FAAH2: variants seen among roughly 807,000 people sequenced by gnomAD.
FAAH2 encodes the protein fatty acid amide hydrolase 2, also known as fatty-acid amide hydrolase 2.
Under a neutral mutation model 36.9 loss-of-function variants are expected in FAAH2, and 60 were observed. The ratio of observed to expected loss-of-function variants is 1.63; its 90% confidence interval spans 1.32 to 2.02. The LOEUF is 2.02. FAAH2 is among the 30% of genes most tolerant of loss of function. The probability of loss-of-function intolerance (pLI) is 0.00; values close to 1 mark genes in which losing one functional copy is unlikely to be tolerated. For missense variants in FAAH2, 689 were observed against 397.5 expected (o/e 1.73, Z -6.23); for synonymous variants, 214 against 143.8 (o/e 1.49, Z -3.49).
chrX:57,270,018 A>C, the FAAH2 span, among the ~76,000 whole-genome samples: 2 of 111,947 alleles, frequency 1.8e-5, no homozygotes, highest in East Asian at 2.8e-4. Context: ...AAATAAACAC[A>C]ATCAGAAACT....
chrX:57,190,147 C>T, the FAAH2 span, among the ~76,000 whole-genome samples: 1 of 110,408 alleles, frequency 9.1e-6, no homozygotes, highest in Non-Finnish European at 1.9e-5. Flanking sequence ...AGCCACTTTG[C>T]TGTGCTGTGT....
the FAAH2 span, among the ~76,000 whole-genome samples, chrX:57,274,462 C>A: frequency 0.011 from 1,251 of 111,966 alleles, 20 homozygotes; most frequent in African/African-American, 0.038. Flanking sequence ...AAAGAGAAAA[C>A]TTCAGACCAA....
the FAAH2 span, among the ~76,000 whole-genome samples, chrX:57,145,977 G>A: frequency 6.3e-5 from 7 of 110,424 alleles, no homozygotes; most frequent in Non-Finnish European, 1.3e-4. Context: ...AGTATAGTTT[G>A]AAGTTGGGTA....
At chrX:57,292,807 G>A (rs916975512) in intron 2 of FAAH2, among the ~76,000 whole-genome samples, 1 of 111,492 alleles carries the variant, frequency 9.0e-6, no homozygotes, top group Non-Finnish European at 1.9e-5. Flanking sequence ...TGATGGCAAG[G>A]ACTAAATTTT....
intron 5 of FAAH2, among the ~76,000 whole-genome samples, chrX:57,368,626 T>G (rs1344419751): frequency 8.9e-6 from 1 of 111,843 alleles, no homozygotes; most frequent in Non-Finnish European, 1.9e-5. Flanking sequence ...TGACTACAGC[T>G]GAAGGAACTG....
intron 5 of FAAH2, among the ~76,000 whole-genome samples, chrX:57,355,631 T>A (rs1026482266): frequency 9.0e-6 from 1 of 111,384 alleles, no homozygotes; most frequent in African/African-American, 3.2e-5. Flanking sequence ...TGATTTATTT[T>A]TTTTTAATAA....
At chrX:57,449,769 C>G (rs1011973591) in intron 10 of FAAH2, among the ~76,000 whole-genome samples, 10 of 110,838 alleles carry the variant, frequency 9.0e-5, no homozygotes, top group African/African-American at 3.3e-4. Context: ...TAGGTTCAAG[C>G]GATTCTCCTA....
At chrX:57,132,902 ACTCAG>A in the FAAH2 span, among the ~76,000 whole-genome samples, 2 of 111,815 alleles carry the variant, frequency 1.8e-5, no homozygotes, top group African/African-American at 6.5e-5. Flanking sequence ...TGCCTTGTTC[ACTCAG>A]CTCCAGTCAT....
the FAAH2 span, among the ~76,000 whole-genome samples, chrX:57,147,021 G>C: frequency 9.0e-6 from 1 of 111,194 alleles, no homozygotes; most frequent in South Asian, 3.7e-4. Flanking sequence ...TTGGTCTGTA[G>C]TTTCCTTTCT....
At chrX:57,303,491 C>T (rs969314610) in intron 2 of FAAH2, among the ~76,000 whole-genome samples, 3 of 112,080 alleles carry the variant, frequency 2.7e-5, no homozygotes, top group Admixed American at 9.5e-5. Context: ...ATAGTGATAG[C>T]CACCATTTAC....
rs182801195 is a variant in FAAH2, at chrX:57,420,038, G to A, written c.997-11880G>A. On this transcript the variant is annotated intron_variant, in intron 7 of 10. Coordinates refer to ENST00000374900, the MANE Select transcript of FAAH2 (RefSeq NM_174912.4). ...AAGATCAGATAGTTGTAGATATGTG[G>A]CATTCTTTCTGAGGGCTCTGTTCTT... Among the ~76,000 whole-genome samples the A allele has an allele frequency of 4.9e-4, 55 of 111,465 alleles. No homozygotes were observed. The South Asian group carries it at 0.016, about 33-fold the overall frequency.
In FAAH2 at chrX:57,456,934, C is replaced by T. The variant is rs745741551; in HGVS notation, c.1423+8216C>T. 8.1e-5 allele frequency among the ~76,000 whole-genome samples: 9 copies of T among 111,667 alleles called. No homozygotes were observed. The East Asian group carries it at 1.4e-3, about 17-fold the overall frequency. ...TCGAAGAAGAGTCTTCTCCCTAATG[C>T]ATTCTATGAATCCAGCAGCATTCTG... On this transcript the variant is annotated intron_variant, in intron 10 of 10. Coordinates refer to ENST00000374900, the MANE Select transcript of FAAH2 (RefSeq NM_174912.4).
chrX:57,137,690 T>C, the FAAH2 span: 2 of 111,361 alleles, frequency 1.8e-5, no homozygotes, highest in Admixed American at 9.5e-5. Flanking sequence ...TTCCTGTCTC[T>C]GCTGGCTGGA....
chrX:57,335,317 C>T (rs184880329), intron 4 of FAAH2, among the ~76,000 whole-genome samples: 1 of 111,130 alleles, frequency 9.0e-6, no homozygotes, highest in Admixed American at 9.6e-5. Flanking sequence ...ATAAGGAGGA[C>T]CCGTATTATT....
intron 5 of FAAH2, among the ~76,000 whole-genome samples, chrX:57,365,034 T>A (rs1418938213): frequency 8.9e-6 from 1 of 111,993 alleles, no homozygotes; most frequent in Non-Finnish European, 1.9e-5. Flanking sequence ...TGGAGTATTC[T>A]GTAGATAGCT....
intron 3 of FAAH2, among the ~76,000 whole-genome samples, chrX:57,324,040 G>A (rs1346692809): frequency 8.9e-6 from 1 of 111,924 alleles, no homozygotes; most frequent in African/African-American, 3.3e-5. Context: ...AAGGGATCCA[G>A]TTTCAGCTTT....
chrX:57,341,946 G>A (rs2053698065), intron 5 of FAAH2, among the ~76,000 whole-genome samples: 1 of 111,406 alleles, frequency 9.0e-6, no homozygotes, highest in African/African-American at 3.3e-5. Flanking sequence ...ATTTATGGTG[G>A]TAAGAATGTC....
rs912426861 is a variant in FAAH2, at chrX:57,474,877, A to C, written c.1424-13880A>C. 5.4e-5 allele frequency among the ~76,000 whole-genome samples: 6 copies of C among 111,947 alleles called. No individual in the cohort carries two copies. The Admixed American group carries it at 5.7e-4, about 11-fold the overall frequency. On this transcript the variant is annotated intron_variant, in intron 10 of 10. Coordinates refer to ENST00000374900, the MANE Select transcript of FAAH2 (RefSeq NM_174912.4). Reference sequence around the variant, plus strand: ...AGCATCTGTTGTTTCCTGGTTTGTTAATAATCGCCATTCTAACTGGCGTGA... The same window carrying C: ...AGCATCTGTTGTTTCCTGGTTTGTTCATAATCGCCATTCTAACTGGCGTGA...
the FAAH2 span, among the ~76,000 whole-genome samples, chrX:57,238,738 T>A: frequency 8.9e-6 from 1 of 112,078 alleles, no homozygotes; most frequent in Non-Finnish European, 1.9e-5. Context: ...GTACAAATTG[T>A]TCACCCAACT....
Sources: allele counts gnomAD v4.1 joint callset (sites outside exome capture counted in the v4.1 genomes callset), GRCh38; gene constraint gnomAD v4.1.1; transcripts MANE v1.5; gene names NCBI Gene and HGNC (gene_info 2026-07-23, HGNC 2026-07-21).